ACVR1C: variants seen among roughly 807,000 people sequenced by gnomAD.
ACVR1C encodes activin receptor type-1C.
A neutral mutation model predicts 57.9 loss-of-function variants in ACVR1C; 23 were observed. The ratio of observed to expected loss-of-function variants is 0.40; its 90% CI spans 0.29 to 0.56. ACVR1C has a LOEUF of 0.56. Ranked by LOEUF, ACVR1C falls within the 20% of genes least tolerant of loss-of-function variation. ACVR1C has a pLI of 0.50. For synonymous variants in ACVR1C, 214 were observed against 215.3 expected, an observed-to-expected ratio of 0.99 and a Z score of 0.05; for missense variants, 480 against 607.9, an observed-to-expected ratio of 0.79 and a Z score of 2.21.
At chr2:157,549,460 A>G (rs1687857041) in intron 4 of ACVR1C, among the ~76,000 whole-genome samples, 2 of 152,056 alleles carry the variant, frequency 1.3e-5, no homozygotes, top group Admixed American at 1.3e-4. Flanking sequence ...TAATGGGTAA[A>G]ACTGGCGTGG....
intron 2 of ACVR1C, among the ~76,000 whole-genome samples, chr2:157,584,192 T>A (rs1214969437): frequency 6.7e-6 from 1 of 149,358 alleles, no homozygotes; most frequent in East Asian, 1.9e-4. Context: ...AAAACCCGCC[T>A]CCTGGGTTCA....
intron 2 of ACVR1C, among the ~76,000 whole-genome samples, chr2:157,584,952 C>T (rs1228814332): frequency 6.6e-6 from 1 of 152,152 alleles, no homozygotes; most frequent in Non-Finnish European, 1.5e-5. Flanking sequence ...ATCTCAAAAA[C>T]ATTATGCTGA....
At chr2:157,553,446 G>A (rs969140420) in intron 3 of ACVR1C, among the ~76,000 whole-genome samples, 1 of 151,604 alleles carries the variant, frequency 6.6e-6, no homozygotes, top group Non-Finnish European at 1.5e-5. Flanking sequence ...AAACGAGAGA[G>A]TCCAGAATCA....
At chr2:157,555,702 A>C (rs961246329) in intron 3 of ACVR1C, among the ~76,000 whole-genome samples, 1 of 152,078 alleles carries the variant, frequency 6.6e-6, no homozygotes, top group African/African-American at 2.4e-5. Context: ...TTCCCTCAGA[A>C]CTCAACACCT....
chr2:157,555,101 C>CTTTTTTTTTTTTTTTTTTTTTTT (rs60269781), intron 3 of ACVR1C, among the ~76,000 whole-genome samples: 2 of 83,946 alleles, frequency 2.4e-5, no homozygotes, highest in African/African-American at 1.2e-4. Context: ...ACTTTGAACG[C>CTTTTTTTTTTTTTTTTTTTTTTT]TTTTTTTTTT....
At chr2:157,566,264 A>G (rs1688373691) in intron 2 of ACVR1C, among the ~76,000 whole-genome samples, 1 of 152,322 alleles carries the variant, frequency 6.6e-6, no homozygotes, top group Admixed American at 6.5e-5. Context: ...CATAGTACAG[A>G]GCTATATTCA....
At chr2:157,553,178 TC>T (rs1483765415) in intron 3 of ACVR1C, among the ~76,000 whole-genome samples, 2 of 152,054 alleles carry the variant, frequency 1.3e-5, no homozygotes, top group Non-Finnish European at 2.9e-5. Context: ...GGAATCAGAC[TC>T]CCCCCTCCTC....
chr2:157,616,030 T>C (rs1197696254), intron 1 of ACVR1C, among the ~76,000 whole-genome samples: 2 of 152,224 alleles, frequency 1.3e-5, no homozygotes, highest in Non-Finnish European at 2.9e-5. Context: ...CTCTCCGAGC[T>C]TCTGTGCTTG....
Position 157,542,877 on chromosome 2 carries a change from A to C in ACVR1C, c.944-15T>G. On this transcript the variant is annotated splice_polypyrimidine_tract_variant and intron_variant, in intron 5 of 8. Transcript: ENST00000243349. ...AGCAGGTTTACCTATGAAGCAAAGA[A>C]GAACATATTCATTTTTTTCTTTACC... The C allele has an allele frequency of 6.2e-7, 1 of 1,612,222 alleles. No homozygotes were observed. Among genetic ancestry groups the C allele is most frequent in the East Asian group, 2.2e-5 (1 of 44,842 alleles).
chr2:157,553,973 A>T (rs1043525160), intron 3 of ACVR1C, among the ~76,000 whole-genome samples: 6 of 151,862 alleles, frequency 4.0e-5, no homozygotes, highest in African/African-American at 1.2e-4. Context: ...ACTTGAGTTC[A>T]GGAGTTTGAG....
intron 3 of ACVR1C, among the ~76,000 whole-genome samples, chr2:157,552,548 A>G (rs1300935628): frequency 1.3e-5 from 2 of 152,186 alleles, no homozygotes; most frequent in Non-Finnish European, 2.9e-5. Flanking sequence ...CTGCTAACCT[A>G]TAGTCTTATC....
intron 2 of ACVR1C, among the ~76,000 whole-genome samples, chr2:157,574,206 T>A (rs1294316775): frequency 2.0e-5 from 3 of 152,246 alleles, no homozygotes; most frequent in Admixed American, 1.3e-4. Flanking sequence ...AGAAATTTAT[T>A]TCTCATAGTT....
intron 1 of ACVR1C, among the ~76,000 whole-genome samples, chr2:157,624,666 T>G (rs182123795): frequency 6.6e-6 from 1 of 152,276 alleles, no homozygotes; most frequent in African/African-American, 2.4e-5. Context: ...TGCAAAGAGT[T>G]GGGAGTGACA....
chr2:157,546,180 A>G (rs934978846), intron 4 of ACVR1C, among the ~76,000 whole-genome samples: 1 of 152,224 alleles, frequency 6.6e-6, no homozygotes, highest in Admixed American at 6.5e-5. Context: ...ACTGCTGATT[A>G]ATCCAACCAG....
intron 7 of ACVR1C, among the ~76,000 whole-genome samples, chr2:157,540,527 C>A (rs1687602178): frequency 6.6e-6 from 1 of 152,108 alleles, no homozygotes; most frequent in Non-Finnish European, 1.5e-5. Flanking sequence ...GAACTCCCGA[C>A]CTCAGTGATC....
chr2:157,541,292 A>C (rs745414808), intron 6 of ACVR1C, 78 bp from the exon 7 acceptor site: 106 of 1,412,038 alleles, frequency 7.5e-5, no homozygotes, highest in Non-Finnish European at 1.0e-4. Context: ...AAATTAAGAT[A>C]GCTTATGCCA....
intron 1 of ACVR1C, among the ~76,000 whole-genome samples, chr2:157,602,878 T>C (rs1193437329): frequency 6.6e-6 from 1 of 152,200 alleles, no homozygotes; most frequent in African/African-American, 2.4e-5. Flanking sequence ...CTATAAAGAA[T>C]ATATTAATAT....
intron 6 of ACVR1C, 21 bp from the exon 7 acceptor site, chr2:157,541,235 C>G (rs758323583): frequency 6.2e-7 from 1 of 1,607,092 alleles, no homozygotes; most frequent in South Asian, 1.1e-5. Context: ...ATGTACATTT[C>G]AGATTCTGTC....
chr2:157,584,325 C>T (rs976229800), intron 2 of ACVR1C, among the ~76,000 whole-genome samples: 13 of 152,158 alleles, frequency 8.5e-5, no homozygotes, highest in Middle Eastern at 3.4e-3. Context: ...AGGATGGTCT[C>T]GATCTCCCGA....
Sources: allele counts gnomAD v4.1 joint callset (sites outside exome capture counted in the v4.1 genomes callset), GRCh38; gene constraint gnomAD v4.1.1; transcripts MANE v1.5; gene names NCBI Gene and HGNC (gene_info 2026-07-23, HGNC 2026-07-21).